RBPMS: variants seen among roughly 807,000 people sequenced by gnomAD.
RBPMS encodes the protein RNA binding protein, mRNA processing factor.
In RBPMS, 7 loss-of-function variants were observed where a neutral mutation model predicts 26.8. The observed-to-expected ratio is 0.26, with a 90% CI of 0.15 to 0.49. RBPMS has a LOEUF of 0.49. Among genes scored for constraint, RBPMS ranks in the 20% least tolerant of loss-of-function variants. The pLI, the probability that RBPMS is intolerant of heterozygous loss-of-function variation, is 0.98. For synonymous variants in RBPMS, 96 were observed against 93.3 expected (o/e 1.03, Z -0.17); for missense variants, 186 against 250.0 (o/e 0.74, Z 1.73).
chr8:30,465,744 G>A (rs1250153268), intron 1 of RBPMS, among the ~76,000 whole-genome samples: 1 of 152,212 alleles, frequency 6.6e-6, no homozygotes, highest in Non-Finnish European at 1.5e-5. Context: ...TGCCGAAATC[G>A]TGCCACTGCA....
At chr8:30,544,360 A>G in intron 5 of RBPMS, 134 bp from the exon 6 acceptor site, 1 of 885,714 alleles carries the variant, frequency 1.1e-6, no homozygotes, top group Non-Finnish European at 1.8e-6. Context: ...CCAACAAACA[A>G]CAGGTTGTTA....
intron 1 of RBPMS, among the ~76,000 whole-genome samples, chr8:30,470,864 G>C (rs759929901): frequency 3.9e-5 from 6 of 152,102 alleles, no homozygotes; most frequent in African/African-American, 7.2e-5. Flanking sequence ...TTTTCCCCAT[G>C]TATGACAATT....
chr8:30,414,945 T>C (rs973744127), intron 1 of RBPMS, among the ~76,000 whole-genome samples: 1 of 152,016 alleles, frequency 6.6e-6, no homozygotes. Context: ...GGCTTGTAAA[T>C]GATAGTGTTC....
At chr8:30,478,936 T>G (rs1364669364) in intron 3 of RBPMS, among the ~76,000 whole-genome samples, 1 of 152,214 alleles carries the variant, frequency 6.6e-6, no homozygotes, top group Non-Finnish European at 1.5e-5. Context: ...AAAAGGTGAT[T>G]CGGTTCTCTT....
chr8:30,432,878 A>G (rs1352985698), intron 1 of RBPMS, among the ~76,000 whole-genome samples: 12 of 152,246 alleles, frequency 7.9e-5, no homozygotes, highest in Admixed American at 7.8e-4. Flanking sequence ...GGAAGCAACA[A>G]AAGAAAGATC....
At chr8:30,464,691 T>G (rs770188220) in intron 1 of RBPMS, among the ~76,000 whole-genome samples, 1 of 152,184 alleles carries the variant, frequency 6.6e-6, no homozygotes, top group Non-Finnish European at 1.5e-5. Context: ...TTGAGAGATG[T>G]GAAATGACTT....
At chr8:30,499,525 G>A (rs1195022103) in intron 4 of RBPMS, among the ~76,000 whole-genome samples, 1 of 151,974 alleles carries the variant, frequency 6.6e-6, no homozygotes, top group Non-Finnish European at 1.5e-5. Context: ...GACATCATGT[G>A]CCTCTTGATA....
Position 30,522,986 on chromosome 8 carries a change from T to C in RBPMS, c.397+18550T>C, listed in dbSNP as rs139488659. ...TGCTTTCAGGTGGATACTTTCCTCATTGGTTGAAGGAGAAGCTGGTGATTC... is the reference window on the plus strand; with the variant it reads ...TGCTTTCAGGTGGATACTTTCCTCACTGGTTGAAGGAGAAGCTGGTGATTC... On this transcript the variant is annotated intron_variant, in intron 5 of 8. Coordinates refer to ENST00000397323, the MANE Select transcript of RBPMS (RefSeq NM_001008710.3). Among the ~76,000 whole-genome samples, 4 of 152,278 alleles carry C rather than the reference T, an allele frequency of 2.6e-5. No individual in the cohort carries two copies. The East Asian group carries it at 5.8e-4, about 22-fold the overall frequency.
intron 1 of RBPMS, among the ~76,000 whole-genome samples, chr8:30,434,772 A>T (rs1363233371): frequency 8.1e-6 from 1 of 123,724 alleles, no homozygotes; most frequent in Non-Finnish European, 1.6e-5. Context: ...AGTTATTCCC[A>T]TATAACACAC....
intron 6 of RBPMS, chr8:30,556,690 G>C (rs1461156007): frequency 1.0e-6 from 1 of 986,016 alleles, no homozygotes; most frequent in Non-Finnish European, 1.2e-6. Flanking sequence ...TGGGGGCTCT[G>C]TGTCCCCGCC....
At chr8:30,417,314 TTTC>T (rs1810204427) in intron 1 of RBPMS, among the ~76,000 whole-genome samples, 3 of 152,202 alleles carry the variant, frequency 2.0e-5, no homozygotes. Flanking sequence ...CCCTCTGTTT[TTTC>T]TTAGAGCCTT....
At chr8:30,443,034 A>C (rs1265317516) in intron 1 of RBPMS, among the ~76,000 whole-genome samples, 1 of 152,164 alleles carries the variant, frequency 6.6e-6, no homozygotes, top group Non-Finnish European at 1.5e-5. Flanking sequence ...GTGGCAGTGG[A>C]GCAATGAAAG....
intron 6 of RBPMS, among the ~76,000 whole-genome samples, chr8:30,546,891 T>C (rs971114194): frequency 8.5e-5 from 13 of 152,284 alleles, no homozygotes; most frequent in African/African-American, 2.4e-4. Context: ...CTGAAGGGGC[T>C]CTACCATGAC....
chr8:30,469,222 G>A (rs1816830557), intron 1 of RBPMS, among the ~76,000 whole-genome samples: 1 of 152,200 alleles, frequency 6.6e-6, no homozygotes, highest in Non-Finnish European at 1.5e-5. Context: ...TAAAGAGAGG[G>A]CCATTTCAAG....
chr8:30,540,328 A>G (rs1457263319), intron 5 of RBPMS, among the ~76,000 whole-genome samples: 1 of 152,142 alleles, frequency 6.6e-6, no homozygotes, highest in Non-Finnish European at 1.5e-5. Flanking sequence ...GAGGAGGATG[A>G]GGGCCAGATC....
At chr8:30,539,483 C>T (rs796110675) in intron 5 of RBPMS, among the ~76,000 whole-genome samples, 1 of 151,966 alleles carries the variant, frequency 6.6e-6, no homozygotes, top group South Asian at 2.1e-4. Context: ...CCTTTATGTG[C>T]TTATTTCTCT....
At chr8:30,485,993 G>A (rs1009397117) in intron 4 of RBPMS, among the ~76,000 whole-genome samples, 1 of 152,190 alleles carries the variant, frequency 6.6e-6, no homozygotes, top group Non-Finnish European at 1.5e-5. Context: ...CTGAAGAAGA[G>A]TAAGTTGGTT....
At chr8:30,556,349 C>T in intron 6 of RBPMS, 1 of 985,630 alleles carries the variant, frequency 1.0e-6, no homozygotes, top group Non-Finnish European at 1.2e-6. Context: ...GGGCTGCACG[C>T]TCGTCCCCAA....
chr8:30,561,221 T>C (rs530962990), intron 7 of RBPMS, among the ~76,000 whole-genome samples: 3 of 152,334 alleles, frequency 2.0e-5, no homozygotes, highest in East Asian at 1.9e-4. Context: ...ATCTGAGATA[T>C]AGTCTAGGGT....
Sources: allele counts gnomAD v4.1 joint callset (sites outside exome capture counted in the v4.1 genomes callset), GRCh38; gene constraint gnomAD v4.1.1; transcripts MANE v1.5; gene names NCBI Gene and HGNC (gene_info 2026-07-23, HGNC 2026-07-21).